Variants in ZKSCAN3 observed in about 807,000 individuals in gnomAD.
The protein encoded by ZKSCAN3 is zinc finger protein with KRAB and SCAN domains 3.
Under a neutral mutation model 30.7 loss-of-function variants are expected in ZKSCAN3, and 21 were observed. The ratio of observed to expected loss-of-function variants is 0.68; its 90% confidence interval spans 0.49 to 0.99. ZKSCAN3 has a LOEUF of 0.99. Among genes scored for constraint, ZKSCAN3 ranks in the 50% least tolerant of loss-of-function variants. ZKSCAN3 has a pLI of 0.00. For missense variants in ZKSCAN3, 507 were observed against 647.1 expected (o/e 0.78, Z 2.35); for synonymous variants, 201 against 246.7 (o/e 0.81, Z 1.73).
Position 28,366,161 on chromosome 6 carries a change from A to G in ZKSCAN3, c.1493A>G (p.His498Arg). Residue 498 changes from histidine (H) to arginine (R), a missense_variant, in exon 6 of 6, where the codon CAT becomes CGT. His to Arg is a conservative substitution (Grantham distance 29, BLOSUM62 0). Coordinates refer to ENST00000252211, the MANE Select transcript of ZKSCAN3 (RefSeq NM_024493.4). The part of the protein sequence containing the change: ...SFTQNTGLIE[H>R]QKIHTGEKPY... ...ACTCAGAATACAGGCCTCATTGAAC[A>G]TCAAAAAATCCACACTGGTGAGAAA... is the stretch of plus-strand genomic sequence containing the variant. 6.2e-7 allele frequency: 1 copy of G among 1,611,766 alleles called. No homozygotes were observed. Among genetic ancestry groups the G allele is most frequent in the African/African-American group, 1.3e-5 (1 of 74,814 alleles).
At chr6:28,356,634 C>T (rs1765446293) in intron 1 of ZKSCAN3, among the ~76,000 whole-genome samples, 1 of 152,250 alleles carries the variant, frequency 6.6e-6, no homozygotes, top group Admixed American at 6.5e-5. Flanking sequence ...GGTTCGTCCT[C>T]CTCCCTGCAC....
intron 5 of ZKSCAN3, 23 bp from the exon 6 acceptor site, chr6:28,365,403 T>C: frequency 1.3e-6 from 2 of 1,586,040 alleles, no homozygotes; most frequent in Non-Finnish European, 1.7e-6. Context: ...TAAGCCACAG[T>C]TGCCAGTTAT....
In ZKSCAN3 at chr6:28,366,074, G is replaced by T; in HGVS notation, c.1406G>T (p.Ser469Ile). The T allele has an allele frequency of 1.2e-6, 2 of 1,608,082 alleles. No individual in the cohort carries two copies. Among genetic ancestry groups the T allele is most frequent in the African/African-American group, 1.3e-5 (1 of 74,628 alleles). Residue 469 changes from serine (S) to isoleucine (I), a missense_variant, in exon 6 of 6, where the codon AGC becomes ATC. By Grantham distance (142) the Ser-to-Ile change is moderately radical (BLOSUM62 -2). Transcript: ENST00000252211. Reference sequence around the variant, plus strand: ...GAGGCCTGGAAAAGTAGGATGGAAAGCCAGTTGGAAAATGTTGAAACTCCC... The same window carrying T: ...GAGGCCTGGAAAAGTAGGATGGAAATCCAGTTGGAAAATGTTGAAACTCCC... The part of the protein sequence containing the change: ...QGEAWKSRME[S>I]QLENVETPMS...
intron 5 of ZKSCAN3, 60 bp downstream of exon 5, chr6:28,363,875 C>A (rs1368800365): frequency 1.3e-6 from 2 of 1,588,798 alleles, no homozygotes; most frequent in Non-Finnish European, 1.7e-6. Flanking sequence ...TATATTAGAA[C>A]CTGTTGAGCT....
chr6:28,354,028 GCCT>G, intron 1 of ZKSCAN3: 1 of 445,568 alleles, frequency 2.2e-6, no homozygotes, highest in Admixed American at 2.4e-5. Flanking sequence ...TGTCTCGGCT[GCCT>G]CCTCCGACCG....
At chr6:28,363,245 C>T (rs1765831726) in intron 3 of ZKSCAN3, 58 bp from the exon 4 acceptor site, 3 of 1,447,284 alleles carry the variant, frequency 2.1e-6, no homozygotes, top group Non-Finnish European at 2.9e-6. Flanking sequence ...TTAGATTGCA[C>T]AGGGCAGGGA....
At chr6:28,360,732 G>A (rs1378978610) in intron 2 of ZKSCAN3, 8 of 985,346 alleles carry the variant, frequency 8.1e-6, no homozygotes, top group African/African-American at 7.0e-5. Flanking sequence ...CCCAAGGCCT[G>A]TAACAGTGGA....
intron 3 of ZKSCAN3, among the ~76,000 whole-genome samples, chr6:28,361,900 C>T (rs112181044): frequency 0.067 from 10,166 of 152,036 alleles, 406 homozygotes; most frequent in South Asian, 0.17. Flanking sequence ...TGGGCTCAAG[C>T]GATCCTCTCA....
intron 1 of ZKSCAN3, among the ~76,000 whole-genome samples, chr6:28,359,127 G>T (rs1237562432): frequency 1.1e-4 from 17 of 152,194 alleles, no homozygotes. Flanking sequence ...GTCTGGACTT[G>T]CTATCTCATA....
chr6:28,355,265 C>T (rs1765345286), intron 1 of ZKSCAN3: 1 of 152,194 alleles, frequency 6.6e-6, no homozygotes, highest in Non-Finnish European at 1.5e-5. Context: ...CCCCACTTTA[C>T]AAAAGTGGAT....
Position 28,366,059 on chromosome 6 carries a change from A to G in ZKSCAN3, c.1391A>G (p.Lys464Arg). Residue 464 changes from lysine to arginine, a missense_variant, in exon 6 of 6, where the codon AAA becomes AGA. Physicochemically the swap from Lys to Arg is conservative, Grantham distance 26. Transcript: ENST00000252211. ...GAACCTGAGCAGGGAGAGGCCTGGA[A>G]AAGTAGGATGGAAAGCCAGTTGGAA... ...VQEPEQGEAW[K>R]SRMESQLENV... The G allele has an allele frequency of 6.2e-7, 1 of 1,609,288 alleles. No individual in the cohort carries two copies. The highest frequency in any genetic ancestry group is 8.5e-7 in the Non-Finnish European group (1 of 1,178,156).
At position 28,359,957 on chromosome 6, in the gene ZKSCAN3, T is replaced by C. The variant is rs1765670136; in HGVS notation, c.371T>C (p.Leu124Ser). ...GEEVVVLLEY[L>S]ERQLDEPAPQ... is the part of the protein sequence containing the mutation. ...GAGGTGGTGGTGCTATTGGAGTATT[T>C]GGAGAGGCAGCTGGATGAGCCGGCG... Residue 124 changes from leucine (L) to serine (S), a missense_variant, in exon 2 of 6, where the codon TTG (leucine) becomes TCG (serine). Transcript: ENST00000252211. 3 of 1,614,084 alleles carry C rather than the reference T, an allele frequency of 1.9e-6. No individual in the cohort carries two copies. In the African/African-American group the frequency reaches 4.0e-5, roughly 22 times the overall value.
At chr6:28,361,999 C>T (rs749205324) in intron 3 of ZKSCAN3, among the ~76,000 whole-genome samples, 1 of 152,208 alleles carries the variant, frequency 6.6e-6, no homozygotes, top group Non-Finnish European at 1.5e-5. Flanking sequence ...TGAGGTCTCA[C>T]CATGTTTCCC....
rs1365115958 is a variant in ZKSCAN3 at position 28,351,046 on chromosome 6, A to G, written c.-63+979A>G. Among the ~76,000 whole-genome samples the G allele has an allele frequency of 6.6e-6, 1 of 152,184 alleles. No homozygotes were observed. The highest frequency in any genetic ancestry group is 1.5e-5 in the Non-Finnish European group (1 of 68,044). On this transcript the variant is annotated intron_variant, in intron 1 of 5. Transcript: ENST00000252211. This position sits in a 1 kb window ranked among gnomAD's most constrained non-coding sequence, Gnocchi z 4.6. ...CCTAGCCTGAAACTGGCTTCATACT[A>G]ACACCCTTCATTTCAACCCAACTTT...
rs530163344 is a variant in ZKSCAN3, at chr6:28,360,908, A to G, written c.403-416A>G. 8.0e-4 allele frequency among the ~76,000 whole-genome samples: 122 copies of G among 152,328 alleles called. 1 individual carries two copies. In the South Asian group the frequency reaches 9.9e-3, roughly 12 times the overall value. ...CAGGCCATGTTAGGTGATTTCACGT[A>G]CTGTGATGTTGTTTGGGTCCCCCAA... On this transcript the variant is annotated intron_variant, in intron 2 of 5. Coordinates refer to ENST00000252211, the MANE Select transcript of ZKSCAN3 (RefSeq NM_024493.4).
At chr6:28,361,554 G>A in intron 3 of ZKSCAN3, 83 bp downstream of exon 3, 1 of 1,479,568 alleles carries the variant, frequency 6.8e-7, no homozygotes, top group Non-Finnish European at 9.1e-7. Context: ...TTCATTGATA[G>A]GGGGCTTATG....
intron 3 of ZKSCAN3, among the ~76,000 whole-genome samples, 196 bp from the exon 4 acceptor site, chr6:28,363,107 A>G (rs1345565283): frequency 6.6e-6 from 1 of 152,154 alleles, no homozygotes; most frequent in Non-Finnish European, 1.5e-5. Context: ...GAATTTATTT[A>G]TTTAGAGAGA....
Position 28,365,766 on chromosome 6 carries a change from T to A in ZKSCAN3, c.1098T>A (p.Gly366=). 1 of 1,613,892 alleles carries A rather than the reference T, an allele frequency of 6.2e-7. No homozygotes were observed. ...TCATTCATCAGAGAGTCCACACTGG[T>A]GAGAAGCCATATGAGTGTGAAGAAT... The part of the protein sequence containing the change: ...ALVIHQRVHT[G]EKPYECEECG... Residue 366 remains glycine (G), a synonymous_variant, in exon 6 of 6, where the codon GGT becomes GGA. Transcript: ENST00000252211.
At chr6:28,353,179 G>C (rs1022277282) in intron 1 of ZKSCAN3, 3 of 152,418 alleles carry the variant, frequency 2.0e-5, no homozygotes, top group African/African-American at 2.4e-5. Context: ...ATGTTGGCCA[G>C]GATGGTCTCG....
Sources: allele counts gnomAD v4.1 joint callset (sites outside exome capture counted in the v4.1 genomes callset), GRCh38; gene constraint gnomAD v4.1.1; non-coding constraint Gnocchi (gnomAD v3.1); transcripts MANE v1.5; gene names NCBI Gene and HGNC (gene_info 2026-07-23, HGNC 2026-07-21).